Variants in NCR2 observed in about 807,000 individuals in gnomAD.
NCR2 encodes natural cytotoxicity triggering receptor 2.
NCR2 carries 35 observed loss-of-function variants against 30.7 expected under a neutral mutation model. The observed-to-expected ratio is 1.14, with a 90% CI of 0.87 to 1.51. The LOEUF (loss-of-function observed/expected upper bound fraction) is 1.51, where lower values mean the gene tolerates loss of function less well. Ranked by LOEUF, NCR2 falls within the 40% of genes most tolerant of loss-of-function variation. The pLI is 0.00. For synonymous variants in NCR2, 146 were observed against 134.8 expected, an observed-to-expected ratio of 1.08 and a Z score of -0.58; for missense variants, 316 against 328.9, an observed-to-expected ratio of 0.96 and a Z score of 0.30.
chr6:41,345,899 A>G lies in NCR2; in HGVS notation c.644+3750A>G, dbSNP rs116763943. On this transcript the variant is annotated intron_variant, in intron 4 of 4. Transcript: ENST00000373089. ...GACATCTGCCTGTTCTCCGAGGACA[A>G]TGCTTTCTCCGCAGTTCTCTTGCGG... 8.3e-3 allele frequency among the ~76,000 whole-genome samples: 1,266 copies of G among 152,228 alleles called. 18 individuals carry two copies. Among genetic ancestry groups the G allele is most frequent in the African/African-American group, 0.028 (1,164 of 41,522 alleles).
At chr6:41,350,583 G>A in intron 4 of NCR2, 95 bp from the exon 5 acceptor site, 1 of 1,099,154 alleles carries the variant, frequency 9.1e-7, no homozygotes, top group East Asian at 2.4e-5. Flanking sequence ...AACCAACCCT[G>A]CGAGTAGTGG....
chr6:41,342,129 G>A lies in NCR2; in HGVS notation c.624G>A (p.Leu208=). 2 of 1,613,322 alleles carry A rather than the reference G, an allele frequency of 1.2e-6. No homozygotes were observed. Among genetic ancestry groups the A allele is most frequent in the Non-Finnish European group, 1.7e-6 (2 of 1,180,002 alleles). Residue 208 remains leucine (L), a synonymous_variant, in exon 4 of 5, where the codon CTG becomes CTA. Coordinates refer to ENST00000373089, the MANE Select transcript of NCR2 (RefSeq NM_004828.4). ...CGLLVAKSLV[L]SALLVWWGDI... ...TCCTCGTAGCCAAGAGCCTGGTGCT[G>A]TCAGCCCTGCTCGTCTGGTGGTGAG...
chr6:41,341,687 A>G (rs1211683580), intron 2 of NCR2, 107 bp from the exon 3 acceptor site: 2 of 1,388,414 alleles, frequency 1.4e-6, no homozygotes, highest in Admixed American at 2.2e-5. Context: ...CTCTGGGCGC[A>G]TGGGCTCTGT....
chr6:41,344,758 C>T (rs1212766940), intron 4 of NCR2, among the ~76,000 whole-genome samples: 1 of 152,188 alleles, frequency 6.6e-6, no homozygotes, highest in Non-Finnish European at 1.5e-5. Context: ...TTTCATTGAC[C>T]TCTGTCTTTC....
intron 2 of NCR2, among the ~76,000 whole-genome samples, chr6:41,336,885 G>GAA (rs71744459): frequency 1.3e-5 from 2 of 151,774 alleles, no homozygotes; most frequent in East Asian, 3.9e-4. Context: ...AAGAATGAGT[G>GAA]AAAAAAAATC....
chr6:41,342,266 G>C (rs1769193972), intron 4 of NCR2, 117 bp downstream of exon 4: 1 of 1,399,968 alleles, frequency 7.1e-7, no homozygotes, highest in Admixed American at 2.3e-5. Context: ...AATCGGCAGA[G>C]CTCTCCAAAT....
At position 41,336,357 on chromosome 6, in the gene NCR2, G is replaced by A. The variant is rs767214965; in HGVS notation, c.323G>A (p.Trp108Ter). The A allele has an allele frequency of 4.3e-6, 7 of 1,614,002 alleles. No homozygotes were observed. The Admixed American group carries it at 1.2e-4, about 27-fold the overall frequency. ...DLREEDSGHY[W>*]CRIYRPSDNS... is the part of the protein sequence containing the mutation. ...AGAGAGGAAGACTCAGGACATTACT[G>A]GTGTAGAATCTACCGCCCTTCTGAC... The change falls in exon 2 of 5, where the codon TGG becomes TAG. Residue 108 changes from tryptophan to a stop codon, truncating the protein, a stop_gained. Coordinates refer to ENST00000373089, the MANE Select transcript of NCR2 (RefSeq NM_004828.4). LOFTEE classifies it high-confidence loss of function.
In NCR2 at chr6:41,335,653, C is replaced by T. The variant is rs560512049; in HGVS notation, c.-224C>T. 29 of 578,158 alleles carry T rather than the reference C, an allele frequency of 5.0e-5. No individual in the cohort carries two copies. The highest frequency in any genetic ancestry group is 7.5e-5 in the African/African-American group (4 of 53,344). The allele number at this position is 578,158 out of a possible 1,614,324, so 35.8% of individuals were successfully genotyped here. On this transcript the variant is annotated 5_prime_UTR_variant, in exon 1 of 5. Coordinates refer to ENST00000373089, the MANE Select transcript of NCR2 (RefSeq NM_004828.4). Reference sequence around the variant, plus strand: ...TGGGAAGCTGTGTGCCAGACAGCGCCGAGCCCACCAGACCCAGACTCACCT... The same window carrying T: ...TGGGAAGCTGTGTGCCAGACAGCGCTGAGCCCACCAGACCCAGACTCACCT...
At chr6:41,349,417 C>A (rs1050507859) in intron 4 of NCR2, among the ~76,000 whole-genome samples, 3 of 152,224 alleles carry the variant, frequency 2.0e-5, no homozygotes, top group Middle Eastern at 3.4e-3. Context: ...TTCCTGGCAT[C>A]TTTTCCTCTA....
intron 2 of NCR2, 24 bp from the exon 3 acceptor site, chr6:41,341,770 C>A (rs914903064): frequency 6.3e-7 from 1 of 1,598,556 alleles, no homozygotes; most frequent in Non-Finnish European, 8.5e-7. Context: ...ACTCACTAAC[C>A]ACGCTCTTTC....
Position 41,339,829 on chromosome 6 carries a change from A to G in NCR2, c.395-1965A>G, listed in dbSNP as rs958366132. On this transcript the variant is annotated intron_variant, in intron 2 of 4. Transcript: ENST00000373089. The stretch of plus-strand genomic sequence containing the variant: ...CCACAATGAGAGATTCTACTTTCAA[A>G]CAAAACCAGCACAAACTCTTTGGAA... Among the ~76,000 whole-genome samples the G allele has an allele frequency of 3.3e-5, 5 of 152,222 alleles. No individual in the cohort carries two copies. In the East Asian group the frequency reaches 5.8e-4, roughly 18 times the overall value.
At chr6:41,347,074 G>C (rs1335686097) in intron 4 of NCR2, among the ~76,000 whole-genome samples, 1 of 152,146 alleles carries the variant, frequency 6.6e-6, no homozygotes, top group Non-Finnish European at 1.5e-5. Flanking sequence ...TTCCAGCCGA[G>C]CATGGAGGTG....
At chr6:41,348,941 G>A (rs75275091) in intron 4 of NCR2, among the ~76,000 whole-genome samples, 55 of 151,988 alleles carry the variant, frequency 3.6e-4, no homozygotes, top group South Asian at 2.1e-3. Context: ...TCTAATGTTC[G>A]ACTGAAAAAT....
Position 41,344,716 on chromosome 6 carries a change from T to C in NCR2, c.644+2567T>C, listed in dbSNP as rs114495548. The stretch of plus-strand genomic sequence containing the variant: ...GAAGCTTTCCATATTTTCTATGTCC[T>C]CCAAGTGCCCATCATATCTTTTATT... On this transcript the variant is annotated intron_variant, in intron 4 of 4. Transcript: ENST00000373089. Among the ~76,000 whole-genome samples the C allele has an allele frequency of 6.6e-3, 1,005 of 152,348 alleles. 12 individuals are homozygous for C. The highest frequency in any genetic ancestry group is 0.022 in the African/African-American group (909 of 41,572).
intron 2 of NCR2, among the ~76,000 whole-genome samples, chr6:41,340,762 T>C (rs1429812239): frequency 6.6e-6 from 1 of 152,154 alleles, no homozygotes. Context: ...CAATAGCACA[T>C]GTCTAGGATT....
At position 41,341,893 on chromosome 6, in the gene NCR2, C is replaced by G. The variant is rs764424732; in HGVS notation, c.494C>G (p.Ala165Gly). Reference sequence around the variant, plus strand: ...CCTCCCACTGCAGGAGCCAGACAAGCCCCTGAGTCTCCATCTACCATCCCT... The same window carrying G: ...CCTCCCACTGCAGGAGCCAGACAAGGCCCTGAGTCTCCATCTACCATCCCT... ...CVPPTAGARQ[A>G]PESPSTIPVP... The change falls in exon 3 of 5, where the codon GCC (alanine) becomes GGC (glycine). Residue 165 changes from alanine (A) to glycine (G), a missense_variant. Coordinates refer to ENST00000373089, the MANE Select transcript of NCR2 (RefSeq NM_004828.4). 3 of 1,613,966 alleles carry G rather than the reference C, an allele frequency of 1.9e-6. No individual in the cohort carries two copies. Among genetic ancestry groups the G allele is most frequent in the Non-Finnish European group, 2.5e-6 (3 of 1,180,012 alleles).
intron 4 of NCR2, among the ~76,000 whole-genome samples, chr6:41,345,238 C>T (rs1286525904): frequency 6.6e-6 from 1 of 152,212 alleles, no homozygotes; most frequent in Non-Finnish European, 1.5e-5. Context: ...CTCTGGTTTC[C>T]AGCACCCACT....
At chr6:41,349,287 A>G (rs1254405756) in intron 4 of NCR2, among the ~76,000 whole-genome samples, 1 of 151,806 alleles carries the variant, frequency 6.6e-6, no homozygotes, top group Non-Finnish European at 1.5e-5. Flanking sequence ...GAGTGCTAAG[A>G]TAATCTTTTG....
intron 2 of NCR2, among the ~76,000 whole-genome samples, chr6:41,340,225 G>A (rs9471584): frequency 0.11 from 16,944 of 151,192 alleles, 1,303 homozygotes; most frequent in East Asian, 0.31. Context: ...GCGGTGGCGC[G>A]ATCTCGGCTC....
Sources: gnomAD v4.1 joint callset for allele counts (sites outside exome capture counted in the v4.1 genomes callset) on GRCh38, gnomAD v4.1.1 for gene constraint, MANE v1.5 for transcripts, NCBI Gene and HGNC (gene_info 2026-07-23, HGNC 2026-07-21) for gene names.